NRG3: variants seen among roughly 807,000 people sequenced by gnomAD.
NRG3 encodes neuregulin 3.
NRG3 carries 31 observed loss-of-function variants against 66.9 expected under a neutral mutation model. The observed-to-expected ratio is 0.46, with a 90% CI of 0.35 to 0.63. The LOEUF (loss-of-function observed/expected upper bound fraction) is 0.63. NRG3 is among the 20% of genes least tolerant of loss of function. The pLI, the probability that NRG3 is intolerant of heterozygous loss-of-function variation, is 0.00. For synonymous variants in NRG3, 393 were observed against 359.4 expected (o/e 1.09, Z -1.06); for missense variants, 910 against 878.9 (o/e 1.04, Z -0.45).
chr10:82,517,976 T>C (rs963627507), intron 2 of NRG3, among the ~76,000 whole-genome samples: 18 of 152,250 alleles, frequency 1.2e-4, no homozygotes, highest in Admixed American at 1.2e-3. Context: ...CTCTGTCCTA[T>C]GGGATAGATC....
chr10:82,194,611 C>T (rs2074349964), intron 1 of NRG3, among the ~76,000 whole-genome samples: 1 of 152,076 alleles, frequency 6.6e-6, no homozygotes, highest in Non-Finnish European at 1.5e-5. Flanking sequence ...GAGAGAGACT[C>T]ATTGTACACA....
intron 1 of NRG3, among the ~76,000 whole-genome samples, chr10:82,203,980 A>G (rs1369453149): frequency 1.3e-5 from 2 of 152,188 alleles, no homozygotes; most frequent in African/African-American, 4.8e-5. Flanking sequence ...CAGATTTAAT[A>G]TGTTAATGAA....
At chr10:82,374,738 C>T (rs1367205451) in intron 2 of NRG3, among the ~76,000 whole-genome samples, 1 of 152,122 alleles carries the variant, frequency 6.6e-6, no homozygotes, top group Non-Finnish European at 1.5e-5. Flanking sequence ...TGCTGCTCAG[C>T]TCACAATAGG....
At chr10:82,717,390 C>CTTT (rs59189864) in intron 2 of NRG3, among the ~76,000 whole-genome samples, 9 of 83,580 alleles carry the variant, frequency 1.1e-4, no homozygotes, top group South Asian at 5.1e-4. Context: ...ATTGGAAAAG[C>CTTT]TTTTTTTTTT....
rs899884800 is a variant in NRG3, at chr10:82,614,899, A to C, written c.954-123678A>C. Among the ~76,000 whole-genome samples the C allele has an allele frequency of 7.5e-4, 110 of 146,128 alleles. 1 individual carries two copies. Among genetic ancestry groups the C allele is most frequent in the African/African-American group, 2.6e-3 (106 of 40,098 alleles). On this transcript the variant is annotated intron_variant, in intron 2 of 8. Transcript: ENST00000372141. ...GTGCATACCTATAATATATATTTCC[A>C]AAAAAAAAAACCTAGGTGATATCAA...
At chr10:82,776,553 C>T (rs1033746947) in intron 3 of NRG3, among the ~76,000 whole-genome samples, 3 of 152,112 alleles carry the variant, frequency 2.0e-5, no homozygotes, top group Admixed American at 1.3e-4. Context: ...CTGAAACTCT[C>T]ATAATCTGAA....
intron 1 of NRG3, among the ~76,000 whole-genome samples, chr10:82,291,643 A>G (rs1005666531): frequency 2.0e-5 from 3 of 152,214 alleles, no homozygotes; most frequent in African/African-American, 7.2e-5. Flanking sequence ...AAATTCTTTA[A>G]ATAGATTCAC....
intron 1 of NRG3, among the ~76,000 whole-genome samples, chr10:81,894,031 A>C (rs1014477477): frequency 2.0e-5 from 3 of 152,208 alleles, no homozygotes; most frequent in Non-Finnish European, 4.4e-5. Context: ...CACAGACTGC[A>C]TGGACTATGC....
At chr10:82,310,806 CCCTCTCT>C (rs1051443075) in intron 1 of NRG3, among the ~76,000 whole-genome samples, 1 of 152,158 alleles carries the variant, frequency 6.6e-6, no homozygotes, top group African/African-American at 2.4e-5. Context: ...CCCCTCTCTT[CCCTCTCT>C]CCTCTCTCCC....
intron 1 of NRG3, among the ~76,000 whole-genome samples, chr10:82,066,408 G>A (rs1167227171): frequency 1.3e-5 from 2 of 152,130 alleles, no homozygotes; most frequent in Admixed American, 6.6e-5. Context: ...TTGTAGACAT[G>A]CCTATGGGAT....
At chr10:82,594,434 G>A (rs1004425849) in intron 2 of NRG3, among the ~76,000 whole-genome samples, 1 of 152,030 alleles carries the variant, frequency 6.6e-6, no homozygotes, top group Non-Finnish European at 1.5e-5. Flanking sequence ...TTGGAGAAAA[G>A]TACAAGGATT....
At chr10:82,293,861 G>T (rs1016300153) in intron 1 of NRG3, among the ~76,000 whole-genome samples, 1 of 152,036 alleles carries the variant, frequency 6.6e-6, no homozygotes, top group Non-Finnish European at 1.5e-5. Context: ...AACAAAAAAA[G>T]ACTTCTATTT....
chr10:82,290,215 C>T (rs901469934), intron 1 of NRG3, among the ~76,000 whole-genome samples: 1 of 152,100 alleles, frequency 6.6e-6, no homozygotes. Flanking sequence ...TCTCATAAGT[C>T]GTTATTGGTC....
At chr10:82,430,376 G>T (rs1383988838) in intron 2 of NRG3, among the ~76,000 whole-genome samples, 1 of 151,930 alleles carries the variant, frequency 6.6e-6, no homozygotes. Context: ...TCCTGCCTCA[G>T]CCTCCCACAT....
chr10:82,481,644 T>C (rs1842277795), intron 2 of NRG3, among the ~76,000 whole-genome samples: 2 of 152,222 alleles, frequency 1.3e-5, no homozygotes, highest in African/African-American at 4.8e-5. Flanking sequence ...AATAATTCTA[T>C]TCATAAATAT....
rs534329672 is a variant in NRG3 at position 82,792,444 on chromosome 10, T to A, written c.1027+53794T>A. On this transcript the variant is annotated intron_variant, in intron 3 of 8. Transcript: ENST00000372141. ...AGTTTTATCTTCAATTATTACGTCTTTGTTATTCCTTCTGTTCAAGACTTT... is the reference window on the plus strand; with the variant it reads ...AGTTTTATCTTCAATTATTACGTCTATGTTATTCCTTCTGTTCAAGACTTT... 2.5e-4 allele frequency among the ~76,000 whole-genome samples: 38 copies of A among 152,252 alleles called. 1 individual carries two copies. In the South Asian group the frequency reaches 7.7e-3, roughly 31 times the overall value.
chr10:82,506,386 T>C (rs962009770), intron 2 of NRG3, among the ~76,000 whole-genome samples: 2 of 152,192 alleles, frequency 1.3e-5, no homozygotes, highest in Non-Finnish European at 2.9e-5. Context: ...AACAAGTTAC[T>C]CTTTTGCTTA....
intron 7 of NRG3, among the ~76,000 whole-genome samples, chr10:82,977,922 A>G (rs1385427864): frequency 1.3e-5 from 2 of 152,206 alleles, no homozygotes; most frequent in East Asian, 3.8e-4. Context: ...TGGTTTCTTT[A>G]GAACCTTGAT....
At chr10:82,308,386 G>A (rs1468874983) in intron 1 of NRG3, among the ~76,000 whole-genome samples, 1 of 152,088 alleles carries the variant, frequency 6.6e-6, no homozygotes, top group Non-Finnish European at 1.5e-5. Context: ...ACCATGCCCA[G>A]CCAGAAGGCC....
Sources: allele counts gnomAD v4.1 joint callset (sites outside exome capture counted in the v4.1 genomes callset), GRCh38; gene constraint gnomAD v4.1.1; transcripts MANE v1.5; gene names NCBI Gene and HGNC (gene_info 2026-07-23, HGNC 2026-07-21).